The following ROBO1 variants were observed in gnomAD, a reference collection of about 807,000 sequenced individuals.
ROBO1 encodes roundabout guidance receptor 1, also known as roundabout homolog 1.
A neutral mutation model predicts 195.9 loss-of-function variants in ROBO1; 149 were observed. The observed-to-expected ratio is 0.76, with a 90% CI of 0.67 to 0.87. ROBO1 has a LOEUF of 0.87. ROBO1 is among the 40% of genes least tolerant of loss of function. ROBO1 has a pLI of 0.00. For missense variants in ROBO1, 1,933 were observed against 2,068.3 expected, an observed-to-expected ratio of 0.93 and a Z score of 1.27; for synonymous variants, 816 against 733.2, an observed-to-expected ratio of 1.11 and a Z score of -1.82.
intron 1 of ROBO1, among the ~76,000 whole-genome samples, chr3:79,698,920 C>T (rs1307305817): frequency 6.6e-6 from 1 of 151,134 alleles, no homozygotes; most frequent in Non-Finnish European, 1.5e-5. Context: ...TTTTTTTGAC[C>T]TCTCTAAACA....
intron 2 of ROBO1, among the ~76,000 whole-genome samples, chr3:79,292,788 T>C (rs953661395): frequency 6.6e-6 from 1 of 152,202 alleles, no homozygotes; most frequent in Non-Finnish European, 1.5e-5. Flanking sequence ...CAGTATTTTA[T>C]TGAGGATTTT....
intron 1 of ROBO1, among the ~76,000 whole-genome samples, chr3:79,683,165 A>G (rs1553788746): frequency 6.6e-6 from 1 of 152,008 alleles, no homozygotes; most frequent in Non-Finnish European, 1.5e-5. Context: ...TCAAGTGGAA[A>G]AAACAATAGT....
intron 2 of ROBO1, among the ~76,000 whole-genome samples, chr3:79,364,370 T>C (rs2035888306): frequency 6.6e-6 from 1 of 151,676 alleles, no homozygotes; most frequent in South Asian, 2.1e-4. Context: ...TTATATATTG[T>C]GTTTCAATGA....
rs577733958 is a variant in ROBO1 at position 79,495,283 on chromosome 3, G to A, written c.88+94541C>T. ...TCCAGAGTAACAATCACATAAAGAG[G>A]GGCGAACAATAACAACAGTAATTCA... On this transcript the variant is annotated intron_variant, in intron 2 of 30. Transcript: ENST00000464233. 3.9e-5 allele frequency among the ~76,000 whole-genome samples: 6 copies of A among 152,106 alleles called. No individual in the cohort carries two copies. The South Asian group carries it at 1.2e-3, about 32-fold the overall frequency.
Position 78,668,320 on chromosome 3 carries a change from G to C in ROBO1, c.1631-18C>G, listed in dbSNP as rs914397391. 2 of 1,611,380 alleles carry C rather than the reference G, an allele frequency of 1.2e-6. No homozygotes were observed. The highest frequency in any genetic ancestry group is 1.7e-4 in the Middle Eastern group (1 of 6,034). On this transcript the variant is annotated intron_variant, in intron 12 of 30. Coordinates refer to ENST00000464233, the MANE Select transcript of ROBO1 (RefSeq NM_002941.4). ...TCCAAATTCTAAAAAGCAGGAAAAA[G>C]GCCAAAATAAAAGATGTTTACACAT...
rs768574366 is a variant in ROBO1, at chr3:79,302,462, C to T, written c.89-176923G>A. Among the ~76,000 whole-genome samples the T allele has an allele frequency of 3.3e-5, 5 of 152,272 alleles. No homozygotes were observed. The East Asian group carries it at 9.6e-4, about 29-fold the overall frequency. On this transcript the variant is annotated intron_variant, in intron 2 of 30. Transcript: ENST00000464233. ...TGAAATTATTTTACTAAATTGAAAT[C>T]TCTCCCTAATTCTCTAATTTGGAAC...
At chr3:78,914,004 A>G (rs2038409090) in intron 4 of ROBO1, among the ~76,000 whole-genome samples, 2 of 152,178 alleles carry the variant, frequency 1.3e-5, no homozygotes, top group Admixed American at 1.3e-4. Flanking sequence ...TATGAGGACA[A>G]GGGTGTGATT....
chr3:79,611,350 C>T (rs1576114304), intron 1 of ROBO1, among the ~76,000 whole-genome samples: 1 of 151,490 alleles, frequency 6.6e-6, no homozygotes, highest in Non-Finnish European at 1.5e-5. Context: ...GATAGAAAAC[C>T]CAGAAAATTC....
At chr3:78,959,000 T>G (rs2041198093) in intron 3 of ROBO1, among the ~76,000 whole-genome samples, 1 of 151,876 alleles carries the variant, frequency 6.6e-6, no homozygotes, top group Non-Finnish European at 1.5e-5. Context: ...GTAGAGGTTT[T>G]ACTATGTTGC....
At chr3:78,704,847 AAC>A (rs531808329) in intron 8 of ROBO1, among the ~76,000 whole-genome samples, 122 of 152,228 alleles carry the variant, frequency 8.0e-4, no homozygotes, top group Middle Eastern at 6.8e-3. Flanking sequence ...GTCTCAAAAA[AAC>A]AGTCATACAT....
intron 4 of ROBO1, among the ~76,000 whole-genome samples, chr3:78,780,523 A>C (rs1409171520): frequency 6.6e-6 from 1 of 151,664 alleles, no homozygotes; most frequent in Non-Finnish European, 1.5e-5. Context: ...ACTTTCCCTG[A>C]TGGTACTTTC....
At chr3:78,795,169 A>G (rs2084146262) in intron 4 of ROBO1, among the ~76,000 whole-genome samples, 1 of 152,214 alleles carries the variant, frequency 6.6e-6, no homozygotes, top group African/African-American at 2.4e-5. Context: ...TACTGATCTA[A>G]CCTTATTCTC....
In ROBO1 at chr3:79,227,980, GAATA is replaced by G. The variant is rs546822419; in HGVS notation, c.89-102445_89-102442del. ...CAGATTGTTCTATTTTTCTTAATCAGAATAAATAAATATAGCCTCAACTATTTTG... is the reference window on the plus strand; with the variant it reads ...CAGATTGTTCTATTTTTCTTAATCAGAATAAATATAGCCTCAACTATTTTG... On this transcript the variant is annotated intron_variant, in intron 2 of 30. Transcript: ENST00000464233. Among the ~76,000 whole-genome samples the G allele has an allele frequency of 7.2e-5, 11 of 152,032 alleles. No individual in the cohort carries two copies. The South Asian group carries it at 1.7e-3, about 23-fold the overall frequency.
At chr3:78,870,895 T>C (rs1277638929) in intron 4 of ROBO1, among the ~76,000 whole-genome samples, 2 of 152,206 alleles carry the variant, frequency 1.3e-5, no homozygotes, top group Non-Finnish European at 2.9e-5. Context: ...TTCTTTCCTT[T>C]GTTAACCTGT....
chr3:79,655,352 A>G (rs891168947), intron 1 of ROBO1, among the ~76,000 whole-genome samples: 4 of 152,082 alleles, frequency 2.6e-5, no homozygotes, highest in African/African-American at 9.7e-5. Flanking sequence ...TGTTAAGCAC[A>G]ATACTGTTCT....
At chr3:78,836,525 T>C (rs1045449960) in intron 4 of ROBO1, among the ~76,000 whole-genome samples, 2 of 59,440 alleles carry the variant, frequency 3.4e-5, no homozygotes, top group Admixed American at 1.7e-4. Flanking sequence ...AAAAAAAAAT[T>C]ATTCAAAAAA....
intron 1 of ROBO1, among the ~76,000 whole-genome samples, chr3:79,671,775 T>G (rs1356425709): frequency 6.6e-6 from 1 of 151,914 alleles, no homozygotes; most frequent in Non-Finnish European, 1.5e-5. Context: ...GTTCTTGATT[T>G]TCACAGATAA....
chr3:78,758,525 CAAA>C (rs5850391), intron 4 of ROBO1, among the ~76,000 whole-genome samples: 18,047 of 84,746 alleles, frequency 0.21, 1,208 homozygotes, highest in East Asian at 0.46. Flanking sequence ...GACCCTATCT[CAAA>C]AAAAAAAAAA....
intron 3 of ROBO1, among the ~76,000 whole-genome samples, chr3:78,973,544 AATAT>A (rs1017364327): frequency 7.0e-6 from 1 of 141,908 alleles, no homozygotes; most frequent in Non-Finnish European, 1.5e-5. Context: ...TATATATAAG[AATAT>A]ATATAAGAAG....
Sources: gnomAD v4.1 joint callset for allele counts (sites outside exome capture counted in the v4.1 genomes callset) on GRCh38, gnomAD v4.1.1 for gene constraint, MANE v1.5 for transcripts, NCBI Gene and HGNC (gene_info 2026-07-23, HGNC 2026-07-21) for gene names.